RYR3: variants seen among roughly 807,000 people sequenced by gnomAD.
The protein encoded by RYR3 is brain ryanodine receptor-calcium release channel.
A neutral mutation model predicts 584.3 loss-of-function variants in RYR3; 207 were observed. The ratio of observed to expected loss-of-function variants is 0.35; its 90% CI spans 0.32 to 0.40. The LOEUF is 0.40. RYR3 is among the 10% of genes least tolerant of loss of function. RYR3 has a pLI of 1.00. For synonymous variants in RYR3, 2,416 were observed against 2,248.5 expected (o/e 1.07, Z -2.11); for missense variants, 5,616 against 6,089.2 (o/e 0.92, Z 2.59).
At chr15:33,425,885 GCCC>G (rs2044610946) in intron 1 of RYR3, among the ~76,000 whole-genome samples, 1 of 151,950 alleles carries the variant, frequency 6.6e-6, no homozygotes, top group African/African-American at 2.4e-5. Context: ...CTCGTGATCC[GCCC>G]GCCTTGGCCT....
At chr15:33,559,166 A>G (rs931714359) in intron 10 of RYR3, among the ~76,000 whole-genome samples, 4 of 152,150 alleles carry the variant, frequency 2.6e-5, no homozygotes, top group Non-Finnish European at 5.9e-5. Flanking sequence ...GCATACCCAG[A>G]TGAGTCCTTG....
chr15:33,354,149 C>A (rs1332102692), intron 1 of RYR3, among the ~76,000 whole-genome samples: 1 of 152,188 alleles, frequency 6.6e-6, no homozygotes, highest in East Asian at 1.9e-4. Context: ...AAATGTTTAA[C>A]ATCCCATTTT....
At chr15:33,800,719 T>C in intron 67 of RYR3, 51 bp from the exon 68 acceptor site, 3 of 1,322,560 alleles carry the variant, frequency 2.3e-6, no homozygotes, top group Non-Finnish European at 3.3e-6. Context: ...AGTGTGAATA[T>C]TTTAATCTCT....
Position 33,572,688 on chromosome 15 carries a change from C to CACACACACACACACAT in RYR3, c.1268+5891_1268+5892insACACACACACACATAC, listed in dbSNP as rs368204203. 3.1e-3 allele frequency among the ~76,000 whole-genome samples: 410 copies of CACACACACACACACAT among 131,376 alleles called. 5 individuals carry two copies. Among genetic ancestry groups the CACACACACACACACAT allele is most frequent in the African/African-American group, 8.1e-3 (294 of 36,244 alleles). The allele number at this position is 131,376 out of a possible 152,430, so 86.2% of individuals were successfully genotyped here. On this transcript the variant is annotated intron_variant, in intron 12 of 103. Coordinates refer to ENST00000634891, the MANE Select transcript of RYR3 (RefSeq NM_001036.6). ...ACACACACACACACACACACACACA[C>CACACACACACACACAT]ACTGGGCTGGGCACAATGGCTCACG... is the stretch of plus-strand genomic sequence containing the variant.
chr15:33,661,004 G>A (rs767990427), intron 34 of RYR3, among the ~76,000 whole-genome samples: 14 of 152,152 alleles, frequency 9.2e-5, no homozygotes, highest in South Asian at 2.1e-4. Flanking sequence ...TAAATGTTAC[G>A]GTTATTGCCA....
intron 12 of RYR3, among the ~76,000 whole-genome samples, chr15:33,575,252 G>A (rs2058236584): frequency 2.0e-5 from 3 of 152,114 alleles, no homozygotes; most frequent in South Asian, 2.1e-4. Flanking sequence ...CAGGACCTCA[G>A]TATCAGTTCT....
At chr15:33,840,668 T>G in intron 89 of RYR3, 157 bp from the exon 90 acceptor site, 1 of 660,086 alleles carries the variant, frequency 1.5e-6, no homozygotes. Flanking sequence ...TCACTTGACA[T>G]ATATAGCAGG....
rs183947153 is a variant in RYR3 at position 33,488,709 on chromosome 15, A to G, written c.172-14922A>G. Among the ~76,000 whole-genome samples the G allele has an allele frequency of 4.0e-3, 603 of 152,154 alleles. 6 individuals carry two copies. The highest frequency in any genetic ancestry group is 0.014 in the African/African-American group (566 of 41,536). ...CTACTAAAAATACAAAAAATTAGCC[A>G]GGCATGGTGACACGTGCCTATAGTT... On this transcript the variant is annotated intron_variant, in intron 2 of 103. Coordinates refer to ENST00000634891, the MANE Select transcript of RYR3 (RefSeq NM_001036.6).
intron 1 of RYR3, among the ~76,000 whole-genome samples, chr15:33,338,869 C>T (rs577905978): frequency 2.6e-5 from 4 of 152,220 alleles, no homozygotes; most frequent in African/African-American, 9.6e-5. Flanking sequence ...ATACAAACTT[C>T]GTTTCCTCTT....
intron 11 of RYR3, among the ~76,000 whole-genome samples, chr15:33,565,233 G>A (rs745473961): frequency 1.8e-4 from 28 of 152,174 alleles, no homozygotes; most frequent in Non-Finnish European, 3.5e-4. Context: ...CGGTCTTTAA[G>A]GACCAGAAAT....
At chr15:33,455,188 T>C (rs369963693) in intron 1 of RYR3, among the ~76,000 whole-genome samples, 8 of 152,134 alleles carry the variant, frequency 5.3e-5, no homozygotes, top group South Asian at 2.1e-4. Flanking sequence ...ATGACACCTG[T>C]CACCGTGCAG....
At chr15:33,752,741 G>T (rs954262911) in intron 57 of RYR3, among the ~76,000 whole-genome samples, 3 of 152,060 alleles carry the variant, frequency 2.0e-5, no homozygotes, top group African/African-American at 7.2e-5. Context: ...TTGCCTGATT[G>T]CCCTGGCCAG....
At chr15:33,543,085 G>A (rs759711332) in intron 7 of RYR3, among the ~76,000 whole-genome samples, 2 of 152,078 alleles carry the variant, frequency 1.3e-5, no homozygotes, top group Non-Finnish European at 2.9e-5. Context: ...CTTTCCCTTT[G>A]TGCTGTAGGA....
intron 72 of RYR3, 72 bp downstream of exon 72, chr15:33,811,109 T>A: frequency 8.1e-7 from 1 of 1,230,860 alleles, no homozygotes; most frequent in Non-Finnish European, 1.2e-6. Context: ...GCTTTTCACT[T>A]CATTTACTCA....
chr15:33,575,834 T>TTAAAAA (rs1555535393), intron 12 of RYR3, among the ~76,000 whole-genome samples: 12 of 144,552 alleles, frequency 8.3e-5, no homozygotes, highest in African/African-American at 2.5e-4. Context: ...GAGCTGGTTT[T>TTAAAAA]AAAAAAAAAA....
intron 3 of RYR3, among the ~76,000 whole-genome samples, chr15:33,510,019 C>T (rs116332883): frequency 0.021 from 3,128 of 152,272 alleles, 98 homozygotes; most frequent in African/African-American, 0.072. Context: ...CCATCCACAC[C>T]TGCTGCAAAA....
chr15:33,609,503 A>G (rs572057664), intron 18 of RYR3, among the ~76,000 whole-genome samples: 4 of 152,316 alleles, frequency 2.6e-5, no homozygotes, highest in African/African-American at 7.2e-5. Flanking sequence ...TGAAAATACA[A>G]AAATTATCTG....
intron 3 of RYR3, 81 bp downstream of exon 3, chr15:33,503,819 G>A: frequency 1.2e-6 from 1 of 817,656 alleles, no homozygotes; most frequent in Non-Finnish European, 2.0e-6. Flanking sequence ...ATCCAACTTT[G>A]AACTGAAAAA....
At chr15:33,341,003 C>G (rs1157938609) in intron 1 of RYR3, among the ~76,000 whole-genome samples, 7 of 152,112 alleles carry the variant, frequency 4.6e-5, no homozygotes, top group African/African-American at 1.7e-4. Context: ...CCACACACTG[C>G]TAAGCCCCAT....
Sources: allele counts gnomAD v4.1 joint callset (sites outside exome capture counted in the v4.1 genomes callset), GRCh38; gene constraint gnomAD v4.1.1; transcripts MANE v1.5; gene names NCBI Gene and HGNC (gene_info 2026-07-23, HGNC 2026-07-21).